Variants in FSIP1 observed in about 807,000 individuals in gnomAD.
The protein encoded by FSIP1 is fibrous sheath-interacting protein 1.
A neutral mutation model predicts 60.9 loss-of-function variants in FSIP1; 65 were observed. That is an observed-to-expected ratio of 1.07 (90% CI 0.87 to 1.31). The LOEUF (loss-of-function observed/expected upper bound fraction) is 1.31, where lower values mean the gene tolerates loss of function less well. FSIP1 is among the 40% of genes most tolerant of loss of function. FSIP1 has a pLI of 0.00. For missense variants in FSIP1, 675 were observed against 665.5 expected (o/e 1.01, Z -0.16); for synonymous variants, 209 against 221.2 (o/e 0.94, Z 0.49).
chr15:39,656,778 A>T (rs1365540821), intron 10 of FSIP1, among the ~76,000 whole-genome samples: 1 of 152,228 alleles, frequency 6.6e-6, no homozygotes, highest in East Asian at 1.9e-4. Context: ...CTGAACTATT[A>T]ATATTTTAAA....
chr15:39,632,901 C>CA (rs71132107), intron 10 of FSIP1, among the ~76,000 whole-genome samples: 13 of 151,964 alleles, frequency 8.6e-5, no homozygotes, highest in Non-Finnish European at 1.5e-4. Context: ...GTAGGCAGGG[C>CA]AAAAACACAA....
intron 3 of FSIP1, among the ~76,000 whole-genome samples, chr15:39,766,112 A>G (rs1381921430): frequency 2.6e-5 from 4 of 152,256 alleles, no homozygotes; most frequent in Admixed American, 1.3e-4. Context: ...GAAATAAGGA[A>G]TAAGACAAGA....
chr15:39,715,658 C>T (rs1261488650), intron 9 of FSIP1, among the ~76,000 whole-genome samples: 2 of 152,172 alleles, frequency 1.3e-5, no homozygotes, highest in Admixed American at 6.5e-5. Context: ...ATCCTGATAT[C>T]GTTTGGATCT....
At chr15:39,664,988 T>C (rs1595589319) in intron 10 of FSIP1, among the ~76,000 whole-genome samples, 1 of 152,226 alleles carries the variant, frequency 6.6e-6, no homozygotes, top group African/African-American at 2.4e-5. Flanking sequence ...GTCTAACACA[T>C]GCAAGGGTGT....
chr15:39,609,033 C>G (rs1018432619), intron 11 of FSIP1, among the ~76,000 whole-genome samples: 1 of 152,186 alleles, frequency 6.6e-6, no homozygotes, highest in South Asian at 2.1e-4. Context: ...GGCAAACATT[C>G]AGCTTCCCCA....
chr15:39,611,501 G>A (rs1891030290), intron 11 of FSIP1, among the ~76,000 whole-genome samples: 1 of 151,984 alleles, frequency 6.6e-6, no homozygotes, highest in African/African-American at 2.4e-5. Context: ...ATAAAAACCT[G>A]TAATAGTTGC....
intron 9 of FSIP1, among the ~76,000 whole-genome samples, chr15:39,715,716 G>A (rs1895712955): frequency 6.6e-6 from 1 of 152,134 alleles, no homozygotes; most frequent in African/African-American, 2.4e-5. Flanking sequence ...AGTGTTGGAG[G>A]TGGCGCCTGG....
chr15:39,680,406 T>G (rs1013783265), intron 10 of FSIP1, among the ~76,000 whole-genome samples: 1 of 152,228 alleles, frequency 6.6e-6, no homozygotes, highest in African/African-American at 2.4e-5. Flanking sequence ...GTATCATAAT[T>G]TCTAGTTGCC....
intron 5 of FSIP1, among the ~76,000 whole-genome samples, chr15:39,757,663 G>A (rs892340260): frequency 8.6e-5 from 13 of 151,964 alleles, no homozygotes; most frequent in African/African-American, 3.1e-4. Context: ...CAGCAAGCAG[G>A]AAATTTCATT....
intron 10 of FSIP1, among the ~76,000 whole-genome samples, chr15:39,654,695 T>C (rs1408459526): frequency 2.6e-5 from 4 of 152,230 alleles, no homozygotes; most frequent in African/African-American, 9.6e-5. Flanking sequence ...GCAGGACTAC[T>C]GGCTGGCTGG....
At chr15:39,653,300 T>C (rs1407323815) in intron 10 of FSIP1, among the ~76,000 whole-genome samples, 1 of 152,114 alleles carries the variant, frequency 6.6e-6, no homozygotes, top group Non-Finnish European at 1.5e-5. Flanking sequence ...GACATTACTA[T>C]ATACTAATGT....
At chr15:39,701,599 A>G (rs1244691686) in intron 10 of FSIP1, among the ~76,000 whole-genome samples, 1 of 152,232 alleles carries the variant, frequency 6.6e-6, no homozygotes, top group African/African-American at 2.4e-5. Flanking sequence ...TCTAACTCCA[A>G]GAATGTCCAC....
intron 11 of FSIP1, among the ~76,000 whole-genome samples, chr15:39,614,959 G>A (rs1891170950): frequency 1.3e-5 from 2 of 152,114 alleles, no homozygotes; most frequent in Non-Finnish European, 1.5e-5. Flanking sequence ...CAACAGAACA[G>A]GACAGAAAGC....
intron 10 of FSIP1, among the ~76,000 whole-genome samples, chr15:39,673,325 T>C (rs1227942864): frequency 6.6e-6 from 1 of 152,198 alleles, no homozygotes; most frequent in East Asian, 1.9e-4. Flanking sequence ...ATATGCTTTT[T>C]GTTTAAGAGC....
At chr15:39,623,454 G>A (rs1891519906) in intron 10 of FSIP1, among the ~76,000 whole-genome samples, 1 of 152,164 alleles carries the variant, frequency 6.6e-6, no homozygotes, top group Admixed American at 6.5e-5. Flanking sequence ...AAGCTAGAAT[G>A]TTCTAAATGA....
intron 10 of FSIP1, among the ~76,000 whole-genome samples, chr15:39,664,488 G>A (rs1255753544): frequency 6.6e-6 from 1 of 152,100 alleles, no homozygotes; most frequent in Non-Finnish European, 1.5e-5. Context: ...TCAACCTGTA[G>A]CCAAGGAGCT....
At chr15:39,602,933 T>C (rs1890693131) in intron 11 of FSIP1, among the ~76,000 whole-genome samples, 1 of 152,164 alleles carries the variant, frequency 6.6e-6, no homozygotes, top group Non-Finnish European at 1.5e-5. Context: ...TTTTCATCAA[T>C]ATACCTAGAA....
chr15:39,720,821 T>A (rs1346824911), intron 9 of FSIP1, among the ~76,000 whole-genome samples: 1 of 152,214 alleles, frequency 6.6e-6, no homozygotes, highest in Non-Finnish European at 1.5e-5. Context: ...AAGAAAAGTA[T>A]GCACAGTTAA....
At chr15:39,635,195 C>T (rs967498437) in intron 10 of FSIP1, among the ~76,000 whole-genome samples, 1 of 152,082 alleles carries the variant, frequency 6.6e-6, no homozygotes, top group African/African-American at 2.4e-5. Context: ...TTAGCTGGAG[C>T]ATGGTGGTGC....
Sources: gnomAD v4.1 joint callset for allele counts (sites outside exome capture counted in the v4.1 genomes callset) on GRCh38, gnomAD v4.1.1 for gene constraint, MANE v1.5 for transcripts, NCBI Gene and HGNC (gene_info 2026-07-23, HGNC 2026-07-21) for gene names.